The following CFAP54 variants were observed in gnomAD, a reference collection of about 807,000 sequenced individuals.
CFAP54 encodes cilia and flagella associated protein 54.
Under a neutral mutation model 370.4 loss-of-function variants are expected in CFAP54, and 290 were observed. The ratio of observed to expected loss-of-function variants is 0.78; its 90% CI spans 0.71 to 0.86. The LOEUF (loss-of-function observed/expected upper bound fraction) is 0.86. Ranked by LOEUF, CFAP54 falls within the 40% of genes least tolerant of loss-of-function variation. The probability of loss-of-function intolerance (pLI) is 0.00; values close to 1 mark genes in which losing one functional copy is unlikely to be tolerated. For missense variants in CFAP54, 3,399 were observed against 3,528.7 expected (o/e 0.96, Z 0.93); for synonymous variants, 1,206 against 1,236.5 (o/e 0.98, Z 0.52).
chr12:96,532,841 G>A (rs1172448349), intron 9 of CFAP54, among the ~76,000 whole-genome samples: 1 of 151,940 alleles, frequency 6.6e-6, no homozygotes, highest in East Asian at 1.9e-4. Context: ...GGCTGGTCTC[G>A]AACTCCTGGG....
In CFAP54 at chr12:96,540,867, G is replaced by A; in HGVS notation, c.1957G>A (p.Val653Ile). ...WIYLLWQINEVIHCYKMEDID... is the reference protein window; with the variant it reads ...WIYLLWQINEIIHCYKMEDID... ...TTATCTTCTGTGGCAGATAAATGAAGTAATTCACTGCTATAAAATGGAAGA... is the reference window on the plus strand; with the variant it reads ...TTATCTTCTGTGGCAGATAAATGAAATAATTCACTGCTATAAAATGGAAGA... The change falls in exon 14 of 68, where the codon GTA becomes ATA. Residue 653 changes from valine to isoleucine, a missense_variant. Physicochemically the swap from Val to Ile is conservative, Grantham distance 29. Coordinates refer to ENST00000524981, the MANE Select transcript of CFAP54 (RefSeq NM_001306084.2). The A allele has an allele frequency of 2.0e-6, 3 of 1,472,996 alleles. No homozygotes were observed. The highest frequency in any genetic ancestry group is 1.8e-6 in the Non-Finnish European group (2 of 1,119,050). The allele number at this position is 1,472,996 out of a possible 1,614,324, so 91.2% of individuals were successfully genotyped here.
Position 96,765,209 on chromosome 12 carries a change from TA to T in CFAP54, c.8273del (p.Tyr2758PhefsTer57). 6.6e-7 allele frequency: 1 copy of T among 1,514,536 alleles called. No individual in the cohort carries two copies. The allele number at this position is 1,514,536 out of a possible 1,614,324, so 93.8% of individuals were successfully genotyped here. On this transcript the variant is annotated frameshift_variant, in exon 60 of 68. Coordinates refer to ENST00000524981, the MANE Select transcript of CFAP54 (RefSeq NM_001306084.2). LOFTEE classifies it high-confidence loss of function. ...ALDLLSSYTD[Y>X]LLDNYQVLFQ... ...GGATCTTTTGTCTTCGTATACAGAT[TA>T]TTTGCTTGGTATGTTTGGATGTCTA...
At chr12:96,648,679 C>T (rs1956825901) in intron 34 of CFAP54, among the ~76,000 whole-genome samples, 1 of 148,548 alleles carries the variant, frequency 6.7e-6, no homozygotes, top group African/African-American at 2.5e-5. Context: ...ACCTCCGCCT[C>T]CTGAATTCAA....
intron 55 of CFAP54, among the ~76,000 whole-genome samples, chr12:96,751,525 A>G (rs1057476824): frequency 1.3e-5 from 2 of 152,148 alleles, no homozygotes; most frequent in African/African-American, 4.8e-5. Flanking sequence ...ATATACATAT[A>G]TGTGGCATGA....
chr12:96,650,639 A>C (rs1956848493), intron 35 of CFAP54, among the ~76,000 whole-genome samples: 1 of 152,104 alleles, frequency 6.6e-6, no homozygotes, highest in Admixed American at 6.5e-5. Flanking sequence ...CAAAGAAATC[A>C]GTTTCTTTTT....
At chr12:96,599,641 G>A (rs1956218662) in intron 26 of CFAP54, among the ~76,000 whole-genome samples, 1 of 151,572 alleles carries the variant, frequency 6.6e-6, no homozygotes, top group Non-Finnish European at 1.5e-5. Context: ...TAAAAACGTT[G>A]TATTTCTCCA....
chr12:96,557,017 A>C (rs1011101295), intron 17 of CFAP54, among the ~76,000 whole-genome samples: 1 of 152,182 alleles, frequency 6.6e-6, no homozygotes, highest in Non-Finnish European at 1.5e-5. Context: ...GAGTTTATCT[A>C]TGCAACAAAC....
At chr12:96,650,406 C>G (rs1432873929) in intron 35 of CFAP54, among the ~76,000 whole-genome samples, 1 of 152,060 alleles carries the variant, frequency 6.6e-6, no homozygotes, top group Non-Finnish European at 1.5e-5. Flanking sequence ...TCTCATAATG[C>G]AAGGGGTTCC....
chr12:96,825,683 C>T (rs11108708), intron 65 of CFAP54, among the ~76,000 whole-genome samples: 41,418 of 119,936 alleles, frequency 0.35, 7,412 homozygotes, highest in South Asian at 0.54. Context: ...TTATATATAA[C>T]ATATCACGAT....
chr12:96,549,552 G>A (rs1168859315), intron 15 of CFAP54, among the ~76,000 whole-genome samples: 1 of 152,232 alleles, frequency 6.6e-6, no homozygotes, highest in Non-Finnish European at 1.5e-5. Flanking sequence ...GCATATGGTA[G>A]ACATATTTTC....
intron 58 of CFAP54, among the ~76,000 whole-genome samples, chr12:96,759,961 A>G (rs909724038): frequency 4.6e-5 from 7 of 152,302 alleles, no homozygotes; most frequent in Middle Eastern, 3.4e-3. Context: ...TGACATCACT[A>G]TTTCTTAAAC....
chr12:96,792,692 A>G (rs1193212843), intron 63 of CFAP54, among the ~76,000 whole-genome samples, 193 bp downstream of exon 63: 3 of 152,040 alleles, frequency 2.0e-5, no homozygotes, highest in East Asian at 1.9e-4. Flanking sequence ...CAGGCTGATC[A>G]TTTTTCTTTT....
chr12:96,717,695 C>G (rs1301178560), intron 48 of CFAP54, among the ~76,000 whole-genome samples: 1 of 152,176 alleles, frequency 6.6e-6, no homozygotes, highest in Non-Finnish European at 1.5e-5. Flanking sequence ...GCTCTTCCAG[C>G]TGGTCTCACG....
intron 65 of CFAP54, among the ~76,000 whole-genome samples, chr12:96,819,096 A>G (rs114869922): frequency 0.015 from 2,323 of 152,322 alleles, 77 homozygotes; most frequent in African/African-American, 0.054. Context: ...CTGCAGAGGC[A>G]ACCACTTTCC....
At chr12:96,729,672 C>T (rs370463464) in intron 50 of CFAP54, among the ~76,000 whole-genome samples, 2 of 152,208 alleles carry the variant, frequency 1.3e-5, no homozygotes, top group Non-Finnish European at 2.9e-5. Flanking sequence ...TGCTTCAGCT[C>T]GCGCACGGCG....
intron 19 of CFAP54, among the ~76,000 whole-genome samples, chr12:96,570,739 CATTATT>C (rs980961915): frequency 6.6e-6 from 1 of 152,076 alleles, no homozygotes; most frequent in Non-Finnish European, 1.5e-5. Flanking sequence ...AAATGTTAGC[CATTATT>C]ATTATGATTA....
At chr12:96,719,503 T>C (rs1419483396) in intron 49 of CFAP54, among the ~76,000 whole-genome samples, 3 of 152,232 alleles carry the variant, frequency 2.0e-5, no homozygotes, top group Non-Finnish European at 2.9e-5. Context: ...CATTACCAAC[T>C]AGGTGACCAT....
At chr12:96,538,676 G>A (rs763492597) in intron 13 of CFAP54, 158 bp downstream of exon 13, 3 of 703,358 alleles carry the variant, frequency 4.3e-6, no homozygotes, top group Non-Finnish European at 6.8e-6. Context: ...CTAGCGCTGA[G>A]TGACCCTTTC....
chr12:96,792,239 A>G (rs1958706907), intron 62 of CFAP54, 90 bp from the exon 63 acceptor site: 1 of 1,148,242 alleles, frequency 8.7e-7, no homozygotes. Context: ...AGACAATCCC[A>G]GAATTTTTCA....
Sources: gnomAD v4.1 joint callset for allele counts (sites outside exome capture counted in the v4.1 genomes callset) on GRCh38, gnomAD v4.1.1 for gene constraint, MANE v1.5 for transcripts, NCBI Gene and HGNC (gene_info 2026-07-23, HGNC 2026-07-21) for gene names.